The following PCDHGB1 variants were observed in gnomAD, a reference collection of about 807,000 sequenced individuals.
PCDHGB1 encodes protocadherin gamma subfamily B, 1, also known as protocadherin gamma-B1.
PCDHGB1 carries 34 observed loss-of-function variants against 56.6 expected under a neutral mutation model. The observed-to-expected ratio is 0.60, with a 90% CI of 0.46 to 0.80. PCDHGB1 has a LOEUF of 0.80. PCDHGB1 is among the 30% of genes least tolerant of loss of function. The pLI, the probability that PCDHGB1 is intolerant of heterozygous loss-of-function variation, is 0.00. For missense variants in PCDHGB1, 1,278 were observed against 1,204.6 expected, an observed-to-expected ratio of 1.06 and a Z score of -0.90; for synonymous variants, 561 against 505.9, an observed-to-expected ratio of 1.11 and a Z score of -1.46.
rs1227487225 is a variant in PCDHGB1, at chr5:141,491,275, G to C, written c.2410-3532G>C. The C allele has an allele frequency of 2.5e-6, 4 of 1,614,082 alleles. 1 individual carries two copies. In the South Asian group the frequency reaches 4.4e-5, roughly 18 times the overall value. On this transcript the variant is annotated intron_variant, in intron 1 of 3. Transcript: ENST00000523390. This position sits in a 1 kb window ranked among gnomAD's most constrained non-coding sequence, Gnocchi z 6.9. Reference sequence around the variant, plus strand: ...CCCTGAGGAAATGCCCAAATCCAGTGACTTCCTCATACACCCTCCTGAGCG... The same window carrying C: ...CCCTGAGGAAATGCCCAAATCCAGTCACTTCCTCATACACCCTCCTGAGCG...
At chr5:141,369,706 T>G (rs973435309) in intron 1 of PCDHGB1, among the ~76,000 whole-genome samples, 2 of 152,204 alleles carry the variant, frequency 1.3e-5, no homozygotes, top group Admixed American at 1.3e-4. Context: ...AGCTATGACA[T>G]TATAACTTTT....
intron 1 of PCDHGB1, among the ~76,000 whole-genome samples, chr5:141,449,606 A>AG (rs1263111904): frequency 2.0e-5 from 3 of 150,702 alleles, no homozygotes; most frequent in Non-Finnish European, 3.0e-5. Flanking sequence ...AAAAAAAAAA[A>AG]AGTAAAAAAG....
intron 1 of PCDHGB1, among the ~76,000 whole-genome samples, chr5:141,437,228 A>C (rs1410620126): frequency 6.6e-6 from 1 of 152,228 alleles, no homozygotes; most frequent in Non-Finnish European, 1.5e-5. Context: ...CCAGTCATAA[A>C]ATTATGTCAA....
At chr5:141,379,666 A>C (rs1254771519) in intron 1 of PCDHGB1, 1 of 152,160 alleles carries the variant, frequency 6.6e-6, no homozygotes, top group East Asian at 1.9e-4. Context: ...CTCTCACAAA[A>C]GTCATTCACT....
At chr5:141,509,268 G>A (rs2099875959) in intron 3 of PCDHGB1, among the ~76,000 whole-genome samples, 1 of 152,150 alleles carries the variant, frequency 6.6e-6, no homozygotes, top group South Asian at 2.1e-4. Flanking sequence ...AGTCACTCTC[G>A]CTACCCGCTC....
intron 1 of PCDHGB1, chr5:141,415,056 G>A (rs1367441891): frequency 1.2e-6 from 2 of 1,613,416 alleles, no homozygotes; most frequent in East Asian, 2.2e-5. Context: ...GGGAGCACAC[G>A]GGCGAGGTGC....
At chr5:141,506,103 C>T (rs1001709380) in intron 3 of PCDHGB1, among the ~76,000 whole-genome samples, 2 of 152,144 alleles carry the variant, frequency 1.3e-5, no homozygotes, top group Admixed American at 1.3e-4. Context: ...GTGGTTGTCC[C>T]TGAAGAGTCA....
intron 1 of PCDHGB1, chr5:141,374,155 G>A (rs1165591733): frequency 6.2e-7 from 1 of 1,612,144 alleles, no homozygotes; most frequent in Admixed American, 1.7e-5. Flanking sequence ...GGACGCTGTG[G>A]GGGGCCGCGG....
At chr5:141,478,570 G>T (rs1255499966) in intron 1 of PCDHGB1, 1 of 1,590,156 alleles carries the variant, frequency 6.3e-7, no homozygotes, top group Admixed American at 1.8e-5. Context: ...AGTCATGCTT[G>T]ACCCTGTTAG....
intron 1 of PCDHGB1, chr5:141,360,957 C>G: frequency 1.2e-6 from 2 of 1,613,904 alleles, no homozygotes; most frequent in Non-Finnish European, 1.7e-6. Context: ...AAGGCATAAA[C>G]GCAGAGATCA....
rs1354607645 is a variant in PCDHGB1, at chr5:141,433,848, A to C, written c.2410-60959A>C. Among the ~76,000 whole-genome samples, 4 of 152,082 alleles carry C rather than the reference A, an allele frequency of 2.6e-5. No individual in the cohort carries two copies. In the East Asian group the frequency reaches 5.8e-4, roughly 22 times the overall value. ...GTGAAACTCTATCTCAAAAAAAAAA[A>C]AAAAAAACTTTATCCTCTAGTTTCA... On this transcript the variant is annotated intron_variant, in intron 1 of 3. Coordinates refer to ENST00000523390, the MANE Select transcript of PCDHGB1 (RefSeq NM_018922.3).
chr5:141,365,821 G>A (rs756787528), intron 1 of PCDHGB1: 1 of 1,613,908 alleles, frequency 6.2e-7, no homozygotes, highest in Non-Finnish European at 8.5e-7. Context: ...ACACATTTCA[G>A]GGGGCGCCCT....
At position 141,394,905 on chromosome 5, in the gene PCDHGB1, G is replaced by A. The variant is rs1281710551; in HGVS notation, c.2409+42236G>A. On this transcript the variant is annotated intron_variant, in intron 1 of 3. Transcript: ENST00000523390. ...TACACTCTATCTCGTGGTGGCAGTG[G>A]CTGCCATCTCCTGTGTCTTCCTCGC... The A allele has an allele frequency of 1.2e-6, 2 of 1,613,720 alleles. No individual in the cohort carries two copies. Among genetic ancestry groups the A allele is most frequent in the Non-Finnish European group, 1.7e-6 (2 of 1,179,870 alleles).
intron 1 of PCDHGB1, chr5:141,408,762 A>G (rs369793035): frequency 1.9e-5 from 30 of 1,610,942 alleles, no homozygotes; most frequent in Non-Finnish European, 2.3e-5. Flanking sequence ...GTTAATTCCG[A>G]TGGTGGCAAA....
intron 1 of PCDHGB1, among the ~76,000 whole-genome samples, chr5:141,438,340 G>A (rs1348587719): frequency 6.6e-6 from 1 of 151,522 alleles, no homozygotes; most frequent in Non-Finnish European, 1.5e-5. Flanking sequence ...TGTCATATAA[G>A]GATCTACTCT....
Position 141,409,090 on chromosome 5 carries a change from G to C in PCDHGB1, c.2409+56421G>C, listed in dbSNP as rs181368417. 9.9e-5 allele frequency: 159 copies of C among 1,614,024 alleles called. No individual in the cohort carries two copies. The African/African-American group carries it at 1.9e-3, about 19-fold the overall frequency. On this transcript the variant is annotated intron_variant, in intron 1 of 3. Transcript: ENST00000523390. ...CAAAACATATGTTCTCATTGGATGA[G>C]AAAACAGGTATGATTAAGAATAACC...
At chr5:141,492,509 C>T (rs1276866000) in intron 1 of PCDHGB1, among the ~76,000 whole-genome samples, 1 of 152,216 alleles carries the variant, frequency 6.6e-6, no homozygotes, top group African/African-American at 2.4e-5. Context: ...CCGGAGCCTC[C>T]TCTCACCTCT....
chr5:141,417,939 C>T, intron 1 of PCDHGB1: 1 of 1,612,862 alleles, frequency 6.2e-7, no homozygotes, highest in Non-Finnish European at 8.5e-7. Context: ...TTGTTCTACC[C>T]CACGCTGTGT....
At chr5:141,413,623 G>A (rs1454358985) in intron 1 of PCDHGB1, 2 of 1,613,752 alleles carry the variant, frequency 1.2e-6, no homozygotes, top group African/African-American at 1.3e-5. Flanking sequence ...TAATGAAAAT[G>A]TCGCTGCGGG....
Sources: gnomAD v4.1 joint callset for allele counts (sites outside exome capture counted in the v4.1 genomes callset) on GRCh38, gnomAD v4.1.1 for gene constraint, Gnocchi (gnomAD v3.1) non-coding constraint, MANE v1.5 for transcripts, NCBI Gene and HGNC (gene_info 2026-07-23, HGNC 2026-07-21) for gene names.